Variants in STAB2 observed in about 807,000 individuals in gnomAD.
STAB2 encodes the protein stabilin 2, also known as stabilin-2.
A neutral mutation model predicts 338.1 loss-of-function variants in STAB2; 288 were observed. That is an observed-to-expected ratio of 0.85 (90% confidence interval 0.77 to 0.94). The LOEUF is 0.94. Among genes scored for constraint, STAB2 ranks in the 40% least tolerant of loss-of-function variants. The pLI, the probability that STAB2 is intolerant of heterozygous loss-of-function variation, is 0.00. For missense variants in STAB2, 3,141 were observed against 3,210.1 expected, an observed-to-expected ratio of 0.98 and a Z score of 0.52; for synonymous variants, 1,202 against 1,193.3, an observed-to-expected ratio of 1.01 and a Z score of -0.15.
intron 45 of STAB2, 88 bp downstream of exon 45, chr12:103,725,182 G>A: frequency 1.3e-6 from 2 of 1,538,938 alleles, no homozygotes; most frequent in Non-Finnish European, 1.8e-6. Context: ...TAAGAGCTTG[G>A]TGAAATGTAA....
chr12:103,674,194 ACT>A (rs1365840359), intron 23 of STAB2, 107 bp downstream of exon 23: 27 of 1,278,480 alleles, frequency 2.1e-5, no homozygotes, highest in Middle Eastern at 2.3e-4. Flanking sequence ...CCATATCTGA[ACT>A]CTGAACTGAG....
At chr12:103,690,307 G>A (rs777064598) in intron 29 of STAB2, 117 bp from the exon 30 acceptor site, 8 of 922,344 alleles carry the variant, frequency 8.7e-6, no homozygotes, top group Non-Finnish European at 1.3e-5. Flanking sequence ...GTAACTGCAG[G>A]GGGAACTTGA....
rs1374036141 is a variant in STAB2 at position 103,733,116 on chromosome 12, G to T, written c.5394G>T (p.Leu1798=). 6.2e-7 allele frequency: 1 copy of T among 1,614,146 alleles called. No individual in the cohort carries two copies. The highest frequency in any genetic ancestry group is 1.7e-5 in the Admixed American group (1 of 60,006). ...TACCTGCTGAACAACAGGACTTCCTGTTCAACCAAGACAACAAGGACAAGC... is the reference window on the plus strand; with the variant it reads ...TACCTGCTGAACAACAGGACTTCCTTTTCAACCAAGACAACAAGGACAAGC... The part of the protein sequence containing the change: ...HALPAEQQDF[L]FNQDNKDKLK... The change falls in exon 51 of 69, where the codon CTG becomes CTT. Residue 1798 remains leucine, a synonymous_variant. Coordinates refer to ENST00000388887, the MANE Select transcript of STAB2 (RefSeq NM_017564.10).
At chr12:103,686,342 A>C (rs1482808584) in intron 27 of STAB2, among the ~76,000 whole-genome samples, 1 of 152,142 alleles carries the variant, frequency 6.6e-6, no homozygotes, top group Non-Finnish European at 1.5e-5. Flanking sequence ...CCTGACATGC[A>C]GACCATGGCA....
chr12:103,652,084 G>A (rs954841731), intron 11 of STAB2, among the ~76,000 whole-genome samples: 1 of 152,210 alleles, frequency 6.6e-6, no homozygotes, highest in Non-Finnish European at 1.5e-5. Context: ...AATGACAAAA[G>A]TAGATTTGAT....
Position 103,737,728 on chromosome 12 carries a change from T to C in STAB2, c.5645T>C (p.Ile1882Thr), listed in dbSNP as rs1566062297. 6 of 1,613,884 alleles carry C rather than the reference T, an allele frequency of 3.7e-6. No homozygotes were observed. The highest frequency in any genetic ancestry group is 1.3e-5 in the African/African-American group (1 of 74,868). ...GCCTACGGCATTGACTGTCTGCTGATTGATCCCACCCTGGGGGGCCGCTGT... is the reference window on the plus strand; with the variant it reads ...GCCTACGGCATTGACTGTCTGCTGACTGATCCCACCCTGGGGGGCCGCTGT... ...GVAYGIDCLLIDPTLGGRCDT... is the reference protein window; with the variant it reads ...GVAYGIDCLLTDPTLGGRCDT... The change falls in exon 53 of 69, where the codon ATT becomes ACT. Residue 1882 changes from isoleucine (I) to threonine (T), a missense_variant. Ile to Thr is a moderately conservative substitution (Grantham distance 89, BLOSUM62 -1). Coordinates refer to ENST00000388887, the MANE Select transcript of STAB2 (RefSeq NM_017564.10).
rs758915831 is a variant in STAB2 at position 103,758,139 on chromosome 12, GCCC to G, written c.6988-29_6988-27del. On this transcript the variant is annotated intron_variant, in intron 63 of 68. Coordinates refer to ENST00000388887, the MANE Select transcript of STAB2 (RefSeq NM_017564.10). Reference sequence around the variant, plus strand: ...CCCAGGTCCCTGCACACCAGGGCTGGCCCCTCTGATGACTTCCTTCTTCTCCCC... The same window carrying G: ...CCCAGGTCCCTGCACACCAGGGCTGGCTCTGATGACTTCCTTCTTCTCCCC... 25 of 1,613,264 alleles carry G rather than the reference GCCC, an allele frequency of 1.5e-5. No individual in the cohort carries two copies. In the African/African-American group the frequency reaches 3.2e-4, roughly 21 times the overall value.
rs542614661 is a variant in STAB2 at position 103,757,739 on chromosome 12, CA to C, written c.6988-430del. Among the ~76,000 whole-genome samples, 92 of 152,326 alleles carry C rather than the reference CA, an allele frequency of 6.0e-4. 2 individuals are homozygous for C. In the South Asian group the frequency reaches 0.011, roughly 18 times the overall value. On this transcript the variant is annotated intron_variant, in intron 63 of 68. Coordinates refer to ENST00000388887, the MANE Select transcript of STAB2 (RefSeq NM_017564.10). ...AGTCTGAGGAAGAGCAGGGAGGCCCCATATGGCTGGAACAGAGTGAGCAAGA... is the reference window on the plus strand; with the variant it reads ...AGTCTGAGGAAGAGCAGGGAGGCCCCTATGGCTGGAACAGAGTGAGCAAGA...
chr12:103,622,378 G>C (rs528347088), intron 5 of STAB2, among the ~76,000 whole-genome samples: 1 of 152,338 alleles, frequency 6.6e-6, no homozygotes, highest in South Asian at 2.1e-4. Context: ...ACAGCAATCG[G>C]AAGTGAGGTA....
At chr12:103,702,693 T>C (rs1295656371) in intron 34 of STAB2, among the ~76,000 whole-genome samples, 1 of 152,230 alleles carries the variant, frequency 6.6e-6, no homozygotes, top group Non-Finnish European at 1.5e-5. Flanking sequence ...AAAGGAACAG[T>C]TGCATTCTTC....
At chr12:103,653,290 T>A (rs750976592) in intron 12 of STAB2, among the ~76,000 whole-genome samples, 1 of 152,194 alleles carries the variant, frequency 6.6e-6, no homozygotes, top group Non-Finnish European at 1.5e-5. Flanking sequence ...TACATTTTAC[T>A]GAACATCGAT....
At chr12:103,756,304 C>A (rs545263472) in intron 63 of STAB2, among the ~76,000 whole-genome samples, 11 of 152,298 alleles carry the variant, frequency 7.2e-5, no homozygotes, top group Admixed American at 3.3e-4. Flanking sequence ...AAGAACTGAC[C>A]TAACAGTAAT....
In STAB2 at chr12:103,587,342, G is replaced by C; in HGVS notation, c.-135G>C. 1 of 764,346 alleles carries C rather than the reference G, an allele frequency of 1.3e-6. No individual in the cohort carries two copies. The highest frequency in any genetic ancestry group is 2.1e-6 in the Non-Finnish European group (1 of 473,640). The allele number at this position is 764,346 out of a possible 1,614,324, so 47.3% of individuals were successfully genotyped here. On this transcript the variant is annotated 5_prime_UTR_variant, in exon 1 of 69. Transcript: ENST00000388887. ...CTCACCTATCTCCTGGTTCGATCTAGGAAAAAGGAAAGGAAGGGATTTAAA... is the reference window on the plus strand; with the variant it reads ...CTCACCTATCTCCTGGTTCGATCTACGAAAAAGGAAAGGAAGGGATTTAAA...
chr12:103,694,937 A>G (rs1462675659), intron 31 of STAB2, among the ~76,000 whole-genome samples: 3 of 152,092 alleles, frequency 2.0e-5, no homozygotes, highest in African/African-American at 7.2e-5. Context: ...TGGAGCCTAT[A>G]ATGAAAGTGG....
rs933997357 is a variant in STAB2 at position 103,692,846 on chromosome 12, G to A, written c.3332G>A (p.Gly1111Glu). ...ITIEGASIVD[G>E]DNAATNGVIH... ...ATTGAAGGGGCCTCCATTGTCGATG[G>A]GGACAACGCAGCCACAAATGGAGTG... is the stretch of plus-strand genomic sequence containing the variant. Residue 1111 changes from glycine (G) to glutamate (E), a missense_variant, in exon 31 of 69, where the codon GGG becomes GAG. Transcript: ENST00000388887. 1.2e-6 allele frequency: 2 copies of A among 1,613,722 alleles called. No individual in the cohort carries two copies.
chr12:103,654,722 A>G, intron 13 of STAB2, 24 bp downstream of exon 13: 1 of 1,610,118 alleles, frequency 6.2e-7, no homozygotes, highest in Non-Finnish European at 8.5e-7. Flanking sequence ...TAAAAGTCAC[A>G]TCAGGCCAGG....
At chr12:103,755,974 G>A (rs1884073624) in intron 63 of STAB2, among the ~76,000 whole-genome samples, 1 of 152,200 alleles carries the variant, frequency 6.6e-6, no homozygotes, top group Non-Finnish European at 1.5e-5. Context: ...GGGTCATTGT[G>A]ATCATTAAAT....
chr12:103,754,945 C>CAAAA (rs755475468), intron 61 of STAB2: 20 of 159,376 alleles, frequency 1.3e-4, no homozygotes, highest in East Asian at 1.1e-3. Context: ...GACTCCACCT[C>CAAAA]AAAAAAAAAA....
At chr12:103,622,668 A>G (rs1957320706) in intron 5 of STAB2, among the ~76,000 whole-genome samples, 1 of 152,260 alleles carries the variant, frequency 6.6e-6, no homozygotes, top group Non-Finnish European at 1.5e-5. Flanking sequence ...AGAAAACAAA[A>G]CAACAAAGCT....
Sources: allele counts gnomAD v4.1 joint callset (sites outside exome capture counted in the v4.1 genomes callset), GRCh38; gene constraint gnomAD v4.1.1; transcripts MANE v1.5; gene names NCBI Gene and HGNC (gene_info 2026-07-23, HGNC 2026-07-21).